The following NRDE2 variants were observed in gnomAD, a reference collection of about 807,000 sequenced individuals.
The protein encoded by NRDE2 is NRDE-2, necessary for RNA interference, domain containing.
A neutral mutation model predicts 124.2 loss-of-function variants in NRDE2; 76 were observed. The observed-to-expected ratio is 0.61, with a 90% CI of 0.51 to 0.74. The LOEUF (loss-of-function observed/expected upper bound fraction) is 0.74. NRDE2 is among the 30% of genes least tolerant of loss of function. NRDE2 has a pLI of 0.00. For missense variants in NRDE2, 1,314 were observed against 1,417.3 expected, an observed-to-expected ratio of 0.93 and a Z score of 1.17; for synonymous variants, 489 against 528.1, an observed-to-expected ratio of 0.93 and a Z score of 1.01.
At chr14:90,319,148 G>C (rs922131748) in intron 1 of NRDE2, among the ~76,000 whole-genome samples, 1 of 152,052 alleles carries the variant, frequency 6.6e-6, no homozygotes, top group African/African-American at 2.4e-5. Context: ...TCTTAGCTGT[G>C]AAGGGAAGAA....
intron 7 of NRDE2, among the ~76,000 whole-genome samples, chr14:90,300,116 C>T (rs1037569257): frequency 2.6e-4 from 39 of 152,300 alleles, no homozygotes; most frequent in African/African-American, 9.1e-4. Context: ...GAACCCTCCA[C>T]CCATCACTCT....
rs186167080 is a variant in NRDE2, at chr14:90,321,745, C to T, written c.65-3632G>A. On this transcript the variant is annotated intron_variant, in intron 1 of 13. Coordinates refer to ENST00000354366, the MANE Select transcript of NRDE2 (RefSeq NM_017970.4). ...ATTAGCAGTGCACATGCAGGGAATA[C>T]TAGAAGTAATAATCACTGTATGGTA... 2.6e-4 allele frequency among the ~76,000 whole-genome samples: 39 copies of T among 152,188 alleles called. No individual in the cohort carries two copies. The East Asian group carries it at 4.3e-3, about 17-fold the overall frequency.
chr14:90,326,454 A>T (rs1391461714), intron 1 of NRDE2, among the ~76,000 whole-genome samples: 1 of 149,622 alleles, frequency 6.7e-6, no homozygotes, highest in Non-Finnish European at 1.5e-5. Flanking sequence ...AGATCGCGCC[A>T]CTGCAGTCTG....
intron 3 of NRDE2, among the ~76,000 whole-genome samples, chr14:90,316,132 C>T (rs1011304727): frequency 2.0e-5 from 3 of 152,032 alleles, no homozygotes; most frequent in African/African-American, 4.8e-5. Context: ...TATTTAAGTG[C>T]TACGTTAATC....
At chr14:90,300,636 C>A (rs548450237) in intron 7 of NRDE2, among the ~76,000 whole-genome samples, 4 of 150,916 alleles carry the variant, frequency 2.7e-5, no homozygotes, top group South Asian at 2.1e-4. Flanking sequence ...AAAGGATTAA[C>A]CCTTCCCCAA....
intron 10 of NRDE2, among the ~76,000 whole-genome samples, chr14:90,289,370 T>C (rs1038316442): frequency 4.6e-5 from 7 of 152,200 alleles, no homozygotes; most frequent in Non-Finnish European, 8.8e-5. Flanking sequence ...GAAATCTCTA[T>C]AAACAAAGCT....
intron 1 of NRDE2, among the ~76,000 whole-genome samples, chr14:90,318,497 T>C (rs1027193235): frequency 1.3e-5 from 2 of 152,148 alleles, no homozygotes; most frequent in Non-Finnish European, 2.9e-5. Context: ...AGACAATTCC[T>C]AAAAGTTAAA....
chr14:90,328,175 C>T (rs189157509), intron 1 of NRDE2, among the ~76,000 whole-genome samples: 1,999 of 150,064 alleles, frequency 0.013, 21 homozygotes, highest in Non-Finnish European at 0.02. Context: ...GGAGTGGTGG[C>T]GCATGCCTGT....
At chr14:90,279,893 A>C (rs1891906250) in intron 12 of NRDE2, 1 of 151,450 alleles carries the variant, frequency 6.6e-6, no homozygotes, top group African/African-American at 2.4e-5. Flanking sequence ...GTTTCCACCC[A>C]CCCCGTCCTG....
chr14:90,301,773 C>T lies in NRDE2; in HGVS notation c.1412-401G>A, dbSNP rs1176359685. The T allele has an allele frequency of 1.3e-5, 6 of 456,206 alleles. 1 individual carries two copies. The highest frequency in any genetic ancestry group is 9.3e-5 in the South Asian group (6 of 64,570). The allele number at this position is 456,206 out of a possible 1,614,324, so 28.3% of individuals were successfully genotyped here. A position where few individuals can be genotyped will look rare whatever the true frequency, so the allele number is the denominator to read the frequency against. On this transcript the variant is annotated intron_variant, in intron 6 of 13. Coordinates refer to ENST00000354366, the MANE Select transcript of NRDE2 (RefSeq NM_017970.4). ...GTTGATCACTAGATGGCATTACTCA[C>T]CAGCAACTTTCATCCTATGTTCAGA...
Position 90,270,657 on chromosome 14 carries a change from C to T in NRDE2, c.*7679G>A, listed in dbSNP as rs1891637382. ...CAAATGTAGCTGCTCAGTCCCAGGT[C>T]AGGGGAAGGGTATGTCCTGGGAGAA... On this transcript the variant is annotated 3_prime_UTR_variant, in exon 14 of 14. Coordinates refer to ENST00000354366, the MANE Select transcript of NRDE2 (RefSeq NM_017970.4). 1.2e-5 allele frequency: 3 copies of T among 243,604 alleles called. No individual in the cohort carries two copies. Among genetic ancestry groups the T allele is most frequent in the Non-Finnish European group, 1.6e-5 (2 of 126,484 alleles). The allele number at this position is 243,604 out of a possible 1,614,324, so 15.1% of individuals were successfully genotyped here.
In NRDE2 at chr14:90,277,013, C is replaced by T. The variant is rs529065227; in HGVS notation, c.*1323G>A. On this transcript the variant is annotated 3_prime_UTR_variant, in exon 14 of 14. Coordinates refer to ENST00000354366, the MANE Select transcript of NRDE2 (RefSeq NM_017970.4). Reference sequence around the variant, plus strand: ...TCAGGGAGGGGGAGCAAGTCCACCTCGGAGTGGAGCTCTCAACTTCCTCAA... The same window carrying T: ...TCAGGGAGGGGGAGCAAGTCCACCTTGGAGTGGAGCTCTCAACTTCCTCAA... 3.9e-5 allele frequency: 6 copies of T among 152,324 alleles called. No homozygotes were observed. In the South Asian group the frequency reaches 6.2e-4, roughly 16 times the overall value. The allele number at this position is 152,324 out of a possible 1,614,324, so 9.4% of individuals were successfully genotyped here.
chr14:90,318,047 T>A lies in NRDE2; in HGVS notation c.131A>T (p.Glu44Val). The change falls in exon 2 of 14, where the codon GAA (glutamate) becomes GTA (valine). Residue 44 changes from glutamate (E) to valine (V), a missense_variant. Transcript: ENST00000354366. ...TTCAGAAACATGGGCTGGAGCTGCT[T>A]CAGTTTGTTGGCTCAGGGACGTTAT... is the stretch of plus-strand genomic sequence containing the variant. Reference protein sequence around the residue: ...GSITSLSQQTEAAPAHVSEGL... With the variant: ...GSITSLSQQTVAAPAHVSEGL... The A allele has an allele frequency of 6.2e-7, 1 of 1,614,222 alleles. No individual in the cohort carries two copies. Among genetic ancestry groups the A allele is most frequent in the South Asian group, 1.1e-5 (1 of 91,080 alleles).
chr14:90,304,108 A>G lies in NRDE2; in HGVS notation c.832T>C (p.Ser278Pro), dbSNP rs1404839716. ...TGTCCTTGTAGCCAATGTGTGGTTG[A>G]CTGATCATAAATCCCCAGAGGATTC... ...WLNPLGIYDQSTTHWLQGQGP... is the reference protein window; with the variant it reads ...WLNPLGIYDQPTTHWLQGQGP... The change falls in exon 5 of 14, where the codon TCA becomes CCA. Residue 278 changes from serine (S) to proline (P), a missense_variant. Transcript: ENST00000354366. 1.2e-6 allele frequency: 2 copies of G among 1,614,154 alleles called. No homozygotes were observed. The highest frequency in any genetic ancestry group is 1.7e-6 in the Non-Finnish European group (2 of 1,180,040).
chr14:90,318,849 C>A (rs1037104027), intron 1 of NRDE2, among the ~76,000 whole-genome samples: 2 of 152,012 alleles, frequency 1.3e-5, no homozygotes, highest in African/African-American at 2.4e-5. Flanking sequence ...TAAAAGCCCA[C>A]CATGCTTAAT....
At chr14:90,286,706 A>T (rs994990906) in intron 11 of NRDE2, among the ~76,000 whole-genome samples, 1 of 152,180 alleles carries the variant, frequency 6.6e-6, no homozygotes, top group African/African-American at 2.4e-5. Context: ...CACCACATCG[A>T]ATCTGTCTTG....
At chr14:90,281,782 C>T (rs1891961059) in intron 12 of NRDE2, among the ~76,000 whole-genome samples, 1 of 152,162 alleles carries the variant, frequency 6.6e-6, no homozygotes, top group African/African-American at 2.4e-5. Context: ...ACATAACCAA[C>T]CTTGTCCAAA....
At chr14:90,295,171 T>TTCTGACA (rs1884097372) in intron 8 of NRDE2, among the ~76,000 whole-genome samples, 1 of 152,208 alleles carries the variant, frequency 6.6e-6, no homozygotes, top group Non-Finnish European at 1.5e-5. Context: ...CATTATACTG[T>TTCTGACA]GGTACTACCA....
At chr14:90,325,530 C>CT (rs1217310351) in intron 1 of NRDE2, among the ~76,000 whole-genome samples, 2 of 151,820 alleles carry the variant, frequency 1.3e-5, no homozygotes, top group Admixed American at 6.6e-5. Flanking sequence ...GGCCTCTTTG[C>CT]TTTTTTTTGT....
Sources: allele counts gnomAD v4.1 joint callset (sites outside exome capture counted in the v4.1 genomes callset), GRCh38; gene constraint gnomAD v4.1.1; transcripts MANE v1.5; gene names NCBI Gene and HGNC (gene_info 2026-07-23, HGNC 2026-07-21).